TADA2A: variants seen among roughly 807,000 people sequenced by gnomAD.
TADA2A encodes transcriptional adaptor 2A.
TADA2A carries 38 observed loss-of-function variants against 67.4 expected under a neutral mutation model. The observed-to-expected ratio is 0.56, with a 90% CI of 0.44 to 0.74. TADA2A has a LOEUF of 0.74. TADA2A is among the 30% of genes least tolerant of loss of function. TADA2A has a pLI of 0.00. For missense variants in TADA2A, 454 were observed against 547.0 expected (o/e 0.83, Z 1.70); for synonymous variants, 192 against 181.6 (o/e 1.06, Z -0.46).
At chr17:37,417,128 C>T (rs1459890432) in intron 2 of TADA2A, among the ~76,000 whole-genome samples, 1 of 151,872 alleles carries the variant, frequency 6.6e-6, no homozygotes, top group Non-Finnish European at 1.5e-5. Context: ...GACTGTAATC[C>T]CAGCACTCTG....
At chr17:37,413,326 C>T (rs1165905443) in intron 2 of TADA2A, among the ~76,000 whole-genome samples, 1 of 152,174 alleles carries the variant, frequency 6.6e-6, no homozygotes, top group Non-Finnish European at 1.5e-5. Flanking sequence ...TCTAGTTCAA[C>T]TCTTTCATTT....
chr17:37,443,970 C>G (rs1451005495), intron 7 of TADA2A, among the ~76,000 whole-genome samples: 2 of 152,114 alleles, frequency 1.3e-5, no homozygotes, highest in Non-Finnish European at 2.9e-5. Flanking sequence ...AATGCGGTAG[C>G]TTACACCTGT....
intron 9 of TADA2A, among the ~76,000 whole-genome samples, chr17:37,460,708 A>C (rs1177389969): frequency 6.6e-6 from 1 of 152,196 alleles, no homozygotes. Flanking sequence ...GAAATTATGG[A>C]TCTCAGACCT....
chr17:37,445,321 A>G (rs146329549), intron 8 of TADA2A, among the ~76,000 whole-genome samples: 1,898 of 152,290 alleles, frequency 0.012, 14 homozygotes, highest in Non-Finnish European at 0.02. Context: ...GCTGGAGTGC[A>G]GTGGCGCGAT....
intron 10 of TADA2A, among the ~76,000 whole-genome samples, chr17:37,462,464 T>A (rs1420191119): frequency 2.6e-5 from 4 of 151,060 alleles, no homozygotes; most frequent in Non-Finnish European, 5.9e-5. Flanking sequence ...CCATCTCTAC[T>A]AAAAATACAA....
intron 9 of TADA2A, among the ~76,000 whole-genome samples, chr17:37,459,505 A>G (rs1291728620): frequency 6.7e-6 from 1 of 148,628 alleles, no homozygotes; most frequent in African/African-American, 2.5e-5. Flanking sequence ...CTGGTCTTGA[A>G]CTCCCCACCT....
At position 37,477,563 on chromosome 17, in the gene TADA2A, C is replaced by G. The variant is rs1207739948; in HGVS notation, c.*581C>G. 2 of 150,992 alleles carry G rather than the reference C, an allele frequency of 1.3e-5. No homozygotes were observed. The highest frequency in any genetic ancestry group is 2.9e-5 in the Non-Finnish European group (2 of 68,034). 9.4% of individuals were successfully genotyped at this position (150,992 alleles called of 1,614,324 possible). On this transcript the variant is annotated 3_prime_UTR_variant, in exon 16 of 16. Transcript: ENST00000615182. The stretch of plus-strand genomic sequence containing the variant: ...CACTACAACCTCTGCCTCCCAGGTT[C>G]AAGTGATTCTCCTGCCTCAGCCTCC...
At chr17:37,446,715 A>T (rs189083847) in intron 8 of TADA2A, among the ~76,000 whole-genome samples, 239 of 152,210 alleles carry the variant, frequency 1.6e-3, no homozygotes, top group African/African-American at 5.6e-3. Context: ...TAAAGTCAAC[A>T]TCTATAATGT....
intron 1 of TADA2A, among the ~76,000 whole-genome samples, chr17:37,410,306 G>T (rs1225128215): frequency 6.6e-6 from 1 of 151,346 alleles, no homozygotes; most frequent in Non-Finnish European, 1.5e-5. Flanking sequence ...CTGAGTAGCT[G>T]GAACCATAAG....
Position 37,460,585 on chromosome 17 carries a change from T to A in TADA2A, c.669-1493T>A. ...AATGTTCTCTTTCTAACTGTTCATT[T>A]TTTAATGAGAAGTCTTTCATCTAAA... On this transcript the variant is annotated intron_variant, in intron 9 of 15. Transcript: ENST00000615182. Among the ~76,000 whole-genome samples the A allele has an allele frequency of 1.3e-5, 2 of 152,246 alleles. 1 individual carries two copies. The highest frequency in any genetic ancestry group is 2.9e-5 in the Non-Finnish European group (2 of 68,044).
In TADA2A at chr17:37,420,880, T is replaced by G. The variant is rs781157824; in HGVS notation, c.26-2629T>G. ...CAAAGCTTTTCTTCTCTTAGATTCT[T>G]GTGATTGATCATAGAGAACAATTTT... On this transcript the variant is annotated intron_variant, in intron 2 of 15. Coordinates refer to ENST00000615182, the MANE Select transcript of TADA2A (RefSeq NM_001166105.3). Among the ~76,000 whole-genome samples the G allele has an allele frequency of 5.4e-5, 8 of 146,940 alleles. 1 individual carries two copies. Among genetic ancestry groups the G allele is most frequent in the Non-Finnish European group, 7.6e-5 (5 of 65,802 alleles).
chr17:37,446,820 G>A (rs549698590), intron 8 of TADA2A, among the ~76,000 whole-genome samples: 11 of 152,182 alleles, frequency 7.2e-5, no homozygotes, highest in African/African-American at 2.6e-4. Context: ...TATAGTAATG[G>A]TCGGTGTTTA....
intron 7 of TADA2A, among the ~76,000 whole-genome samples, chr17:37,444,294 T>C (rs1045611410): frequency 2.6e-5 from 4 of 151,978 alleles, no homozygotes; most frequent in African/African-American, 4.8e-5. Context: ...TGACTTTATT[T>C]ATTTATTTCA....
chr17:37,464,098 A>G (rs1568179347), intron 10 of TADA2A, among the ~76,000 whole-genome samples: 2 of 152,184 alleles, frequency 1.3e-5, no homozygotes, highest in Admixed American at 6.5e-5. Context: ...GACTGCTCCA[A>G]TCTACCAGTT....
chr17:37,445,009 ATTTTACTT>A (rs1433003269), intron 8 of TADA2A, among the ~76,000 whole-genome samples: 1 of 151,426 alleles, frequency 6.6e-6, no homozygotes, highest in Non-Finnish European at 1.5e-5. Context: ...GGACTGTGTG[ATTTTACTT>A]TTATCTGAGG....
intron 4 of TADA2A, among the ~76,000 whole-genome samples, chr17:37,430,105 G>A (rs2052527146): frequency 1.3e-5 from 2 of 152,132 alleles, no homozygotes; most frequent in Admixed American, 6.6e-5. Flanking sequence ...ATTCACTGTA[G>A]GAAAGCTGAC....
At chr17:37,432,566 G>A (rs1269567866) in intron 4 of TADA2A, among the ~76,000 whole-genome samples, 3 of 152,136 alleles carry the variant, frequency 2.0e-5, no homozygotes, top group South Asian at 2.1e-4. Context: ...TCTGTTGTAC[G>A]AACATAATAC....
chr17:37,450,458 T>C (rs1023500187), intron 8 of TADA2A: 5 of 152,232 alleles, frequency 3.3e-5, no homozygotes, highest in African/African-American at 1.2e-4. Context: ...AACATGTTGT[T>C]AGCTATTTTG....
chr17:37,423,182 T>A (rs1378018867), intron 2 of TADA2A, among the ~76,000 whole-genome samples: 1 of 152,126 alleles, frequency 6.6e-6, no homozygotes, highest in Non-Finnish European at 1.5e-5. Flanking sequence ...AGTGAGCTAT[T>A]GTCAAGCCAC....
Sources: gnomAD v4.1 joint callset for allele counts (sites outside exome capture counted in the v4.1 genomes callset) on GRCh38, gnomAD v4.1.1 for gene constraint, MANE v1.5 for transcripts, NCBI Gene and HGNC (gene_info 2026-07-23, HGNC 2026-07-21) for gene names.